Variants in DTD1 observed in about 807,000 individuals in gnomAD.
DTD1 encodes D-tyrosyl-tRNA deacylase 1 homolog.
DTD1 carries 13 observed loss-of-function variants against 25.6 expected under a neutral mutation model. The ratio of observed to expected loss-of-function variants is 0.51; its 90% confidence interval spans 0.33 to 0.81. The LOEUF is 0.81. DTD1 is among the 30% of genes least tolerant of loss of function. The probability of loss-of-function intolerance (pLI) is 0.02; values close to 1 mark genes in which losing one functional copy is unlikely to be tolerated. For synonymous variants in DTD1, 110 were observed against 103.6 expected (o/e 1.06, Z -0.37); for missense variants, 193 against 266.4 (o/e 0.72, Z 1.92).
intron 4 of DTD1, among the ~76,000 whole-genome samples, chr20:18,692,606 G>C (rs1288928091): frequency 1.3e-5 from 2 of 152,226 alleles, no homozygotes; most frequent in Non-Finnish European, 2.9e-5. Flanking sequence ...GTAGCTCAAA[G>C]GGATGCACTA....
intron 4 of DTD1, among the ~76,000 whole-genome samples, chr20:18,727,818 C>T (rs746948417): frequency 2.3e-4 from 34 of 145,710 alleles, no homozygotes; most frequent in African/African-American, 1.1e-4. Context: ...TGCCATGGCA[C>T]GTGTCAGCAC....
chr20:18,765,853 A>G lies in DTD1; in HGVS notation c.*2513A>G, dbSNP rs2122549096. On this transcript the variant is annotated 3_prime_UTR_variant, in exon 6 of 6. Transcript: ENST00000377452. Reference sequence around the variant, plus strand: ...ACTGCTTATTGTCCATTAAAACATCATTTGAATGAGGATGGGAGAGGAGAA... The same window carrying G: ...ACTGCTTATTGTCCATTAAAACATCGTTTGAATGAGGATGGGAGAGGAGAA... 1 of 152,298 alleles carries G rather than the reference A, an allele frequency of 6.6e-6. No individual in the cohort carries two copies. The highest frequency in any genetic ancestry group is 2.1e-4 in the South Asian group (1 of 4,826). The allele number at this position is 152,298 out of a possible 1,614,324, so 9.4% of individuals were successfully genotyped here. A position where few individuals can be genotyped will look rare whatever the true frequency, so the allele number is the denominator to read the frequency against.
chr20:18,757,928 A>T (rs534810396), intron 5 of DTD1, among the ~76,000 whole-genome samples: 32 of 152,112 alleles, frequency 2.1e-4, no homozygotes, highest in African/African-American at 7.2e-4. Context: ...GTAAGCTATT[A>T]ATTATTGCCT....
At chr20:18,638,138 T>C (rs2876496) in intron 4 of DTD1, among the ~76,000 whole-genome samples, 77,329 of 151,948 alleles carry the variant, frequency 0.51, 20,071 homozygotes, top group Middle Eastern at 0.57. Context: ...CATTTATCCA[T>C]TTATCCATCC....
rs1215158623 is a variant in DTD1, at chr20:18,712,532, G to A, written c.478-31568G>A. Among the ~76,000 whole-genome samples the A allele has an allele frequency of 3.3e-5, 5 of 152,028 alleles. No homozygotes were observed. In the East Asian group the frequency reaches 9.7e-4, roughly 29 times the overall value. ...GCTATTCATTTACAATGGAATCATTGGATCATAAGTCAGCATGGACCTCGA... is the reference window on the plus strand; with the variant it reads ...GCTATTCATTTACAATGGAATCATTAGATCATAAGTCAGCATGGACCTCGA... On this transcript the variant is annotated intron_variant, in intron 4 of 5. Coordinates refer to ENST00000377452, the MANE Select transcript of DTD1 (RefSeq NM_080820.6).
chr20:18,709,351 C>T (rs1568677391), intron 4 of DTD1, among the ~76,000 whole-genome samples: 1 of 152,198 alleles, frequency 6.6e-6, no homozygotes, highest in Non-Finnish European at 1.5e-5. Flanking sequence ...GCTTCTCTTC[C>T]TCTTCATCAC....
chr20:18,672,798 T>C (rs2060955598), intron 4 of DTD1, among the ~76,000 whole-genome samples: 3 of 152,182 alleles, frequency 2.0e-5, no homozygotes, highest in Admixed American at 1.3e-4. Context: ...TTCAGTAGGG[T>C]CTAGCAAACT....
intron 4 of DTD1, among the ~76,000 whole-genome samples, chr20:18,702,463 A>T (rs1456395984): frequency 6.6e-6 from 1 of 152,248 alleles, no homozygotes; most frequent in African/African-American, 2.4e-5. Context: ...CAAGGGCTAT[A>T]GAATAAAGAT....
intron 4 of DTD1, among the ~76,000 whole-genome samples, chr20:18,651,531 T>G (rs184314939): frequency 1.3e-5 from 2 of 152,348 alleles, no homozygotes; most frequent in African/African-American, 4.8e-5. Context: ...CAGTATATTC[T>G]GATAAAGAGA....
chr20:18,684,885 TA>T (rs1475607240), intron 4 of DTD1, among the ~76,000 whole-genome samples: 1 of 151,794 alleles, frequency 6.6e-6, no homozygotes, highest in East Asian at 1.9e-4. Flanking sequence ...TCAGCCCCAC[TA>T]AGGCACAGTT....
intron 4 of DTD1, among the ~76,000 whole-genome samples, chr20:18,727,013 C>T (rs553162129): frequency 2.6e-5 from 4 of 152,304 alleles, no homozygotes; most frequent in Non-Finnish European, 4.4e-5. Context: ...TCTGTGAGGA[C>T]GGGTGGACTC....
chr20:18,763,330 T>C (rs1444196387), intron 5 of DTD1, 30 bp from the exon 6 acceptor site: 4 of 152,702 alleles, frequency 2.6e-5, no homozygotes, highest in Non-Finnish European at 4.4e-5. Context: ...GGAATCCTTC[T>C]TAATAACGTG....
At chr20:18,606,128 G>C (rs13037536) in intron 3 of DTD1, among the ~76,000 whole-genome samples, 73,232 of 146,434 alleles carry the variant, frequency 0.5, 18,700 homozygotes, top group Middle Eastern at 0.56. Context: ...GACATGAACA[G>C]ACAATTCTCA....
intron 5 of DTD1, among the ~76,000 whole-genome samples, chr20:18,759,089 G>C (rs190607007): frequency 6.6e-6 from 1 of 152,140 alleles, no homozygotes; most frequent in East Asian, 1.9e-4. Flanking sequence ...CATTTGCTTG[G>C]TAGATCTTCC....
chr20:18,652,408 C>A (rs2060877781), intron 4 of DTD1, among the ~76,000 whole-genome samples: 1 of 152,210 alleles, frequency 6.6e-6, no homozygotes, highest in African/African-American at 2.4e-5. Context: ...CAATCTTGGA[C>A]AACATTTTTA....
chr20:18,708,285 T>TTTTA (rs2061141049), intron 4 of DTD1, among the ~76,000 whole-genome samples: 1 of 35,734 alleles, frequency 2.8e-5, no homozygotes, highest in African/African-American at 1.0e-4. Context: ...ATAATATATA[T>TTTTA]TATATATATA....
intron 3 of DTD1, among the ~76,000 whole-genome samples, chr20:18,622,823 T>C (rs2060740221): frequency 6.6e-6 from 1 of 152,190 alleles, no homozygotes; most frequent in Admixed American, 6.5e-5. Context: ...TGGGCCGGCT[T>C]CCTTGGCTGT....
chr20:18,607,018 G>T (rs891050776), intron 3 of DTD1, among the ~76,000 whole-genome samples: 1 of 152,092 alleles, frequency 6.6e-6, no homozygotes. Flanking sequence ...GTTTATGGAT[G>T]TGAAGATGTG....
chr20:18,689,150 G>A (rs1233436286), intron 4 of DTD1, among the ~76,000 whole-genome samples: 1 of 152,112 alleles, frequency 6.6e-6, no homozygotes, highest in African/African-American at 2.4e-5. Flanking sequence ...TAAAGAAGCT[G>A]GTTCTATTTT....
Sources: allele counts gnomAD v4.1 joint callset (sites outside exome capture counted in the v4.1 genomes callset), GRCh38; gene constraint gnomAD v4.1.1; transcripts MANE v1.5; gene names NCBI Gene and HGNC (gene_info 2026-07-23, HGNC 2026-07-21).